Variants in PHC2 observed in about 807,000 individuals in gnomAD.
PHC2 encodes the protein polyhomeotic-like protein 2.
In PHC2, 29 loss-of-function variants were observed where a neutral mutation model predicts 87.4. The observed-to-expected ratio is 0.33, with a 90% CI of 0.25 to 0.45. The LOEUF (loss-of-function observed/expected upper bound fraction) is 0.45, where lower values mean the gene tolerates loss of function less well. Among genes scored for constraint, PHC2 ranks in the 20% least tolerant of loss-of-function variants. PHC2 has a pLI of 1.00. For missense variants in PHC2, 857 were observed against 1,136.7 expected (o/e 0.75, Z 3.54); for synonymous variants, 438 against 461.7 (o/e 0.95, Z 0.66).
At chr1:33,401,509 T>C (rs1340543661) in intron 1 of PHC2, among the ~76,000 whole-genome samples, 1 of 152,288 alleles carries the variant, frequency 6.6e-6, no homozygotes, top group East Asian at 1.9e-4. Flanking sequence ...CCTCTAACTG[T>C]TAGCACCTCT....
At position 33,375,371 on chromosome 1, in the gene PHC2, C is replaced by T. The variant is rs746508855; in HGVS notation, c.169G>A (p.Val57Met). ...CAGATCAATTAGACTCTTACCTGCA[C>T]GGTCTGCCGGTCTGGAATACCACTG... The part of the protein sequence containing the change: ...VYSGIPDRQT[V>M]QVIQQALHRQ... The change falls in exon 2 of 15, where the codon GTG becomes ATG. Residue 57 changes from valine (V) to methionine (M), a missense_variant. Val to Met is a conservative substitution (Grantham distance 21). This residue lies in a region of PHC2 where 832 missense variants were observed against 1,081.8 expected (regional missense o/e 0.77). Coordinates refer to ENST00000683057, the MANE Select transcript of PHC2 (RefSeq NM_001385109.1). 19 of 1,575,000 alleles carry T rather than the reference C, an allele frequency of 1.2e-5. 1 individual carries two copies. The highest frequency in any genetic ancestry group is 6.8e-5 in the African/African-American group (5 of 73,632).
intron 9 of PHC2, among the ~76,000 whole-genome samples, chr1:33,353,047 A>G (rs1336790150): frequency 6.6e-6 from 1 of 152,226 alleles, no homozygotes; most frequent in African/African-American, 2.4e-5. Context: ...ACAGGCCTCT[A>G]AAGACTAGTA....
chr1:33,351,205 G>A (rs1646965540), intron 9 of PHC2, among the ~76,000 whole-genome samples: 1 of 152,192 alleles, frequency 6.6e-6, no homozygotes, highest in Admixed American at 6.5e-5. Context: ...GTGTGGTTGT[G>A]TTCCAATAGA....
At chr1:33,367,088 A>G in intron 7 of PHC2, 28 bp downstream of exon 7, 1 of 1,565,462 alleles carries the variant, frequency 6.4e-7, no homozygotes, top group Non-Finnish European at 8.7e-7. Context: ...TTTTCTGGGA[A>G]AGGATTCCTG....
In PHC2 at chr1:33,347,216, C is replaced by T. The variant is rs997256879; in HGVS notation, c.1558+7185G>A. On this transcript the variant is annotated intron_variant, in intron 9 of 14. Transcript: ENST00000683057. Reference sequence around the variant, plus strand: ...GAAGAGAAATCTCAGGGTCAGTCCGCTTAGACTAGAAAGTCAATGACAGAG... The same window carrying T: ...GAAGAGAAATCTCAGGGTCAGTCCGTTTAGACTAGAAAGTCAATGACAGAG... 7 of 985,280 alleles carry T rather than the reference C, an allele frequency of 7.1e-6. No homozygotes were observed. In the African/African-American group the frequency reaches 8.7e-5, roughly 12 times the overall value. The allele number at this position is 985,280 out of a possible 1,614,324, so 61.0% of individuals were successfully genotyped here.
At chr1:33,327,505 C>T (rs1161099882) in intron 14 of PHC2, among the ~76,000 whole-genome samples, 4 of 152,190 alleles carry the variant, frequency 2.6e-5, no homozygotes, top group Non-Finnish European at 5.9e-5. Flanking sequence ...CCCAATAATC[C>T]TTGCTTCCCA....
chr1:33,356,279 A>ATATATATATG (rs1647081393), intron 7 of PHC2, among the ~76,000 whole-genome samples: 3 of 129,228 alleles, frequency 2.3e-5, no homozygotes, highest in African/African-American at 6.7e-5. Flanking sequence ...ATATATATGT[A>ATATATATATG]TATATATATA....
intron 7 of PHC2, among the ~76,000 whole-genome samples, chr1:33,359,321 C>T (rs763728600): frequency 2.0e-5 from 3 of 152,120 alleles, no homozygotes; most frequent in African/African-American, 2.4e-5. Flanking sequence ...GGACTCTTGC[C>T]GCAAAGTATA....
At chr1:33,428,467 T>C (rs1013050730) in intron 1 of PHC2, among the ~76,000 whole-genome samples, 1 of 152,218 alleles carries the variant, frequency 6.6e-6, no homozygotes, top group Non-Finnish European at 1.5e-5. Flanking sequence ...AAACTCACCA[T>C]AATCCATTCT....
At chr1:33,338,670 C>A (rs1482354546) in intron 9 of PHC2, among the ~76,000 whole-genome samples, 1 of 152,232 alleles carries the variant, frequency 6.6e-6, no homozygotes, top group Non-Finnish European at 1.5e-5. Context: ...CCTGCTGGCC[C>A]TGAGGCCAGA....
intron 7 of PHC2, chr1:33,363,789 T>G (rs1647275095): frequency 1.0e-6 from 1 of 985,264 alleles, no homozygotes. Flanking sequence ...GAATGAGGAC[T>G]CCAAGAACCA....
chr1:33,370,590 T>G lies in PHC2; in HGVS notation c.412-5A>C. On this transcript the variant is annotated splice_polypyrimidine_tract_variant and splice_region_variant and intron_variant, in intron 4 of 14. Transcript: ENST00000683057. ...TGGGGAGGCTGCCAGGTTGATCTAA[T>G]GAGAGAGACATGTGCGGTAGGAGAT... 6.2e-7 allele frequency: 1 copy of G among 1,610,884 alleles called. No homozygotes were observed.
chr1:33,355,253 G>T lies in PHC2; in HGVS notation c.977C>A (p.Ala326Asp). The change falls in exon 8 of 15, where the codon GCC becomes GAC. Residue 326 changes from alanine to aspartate, a missense_variant and splice_region_variant. Ala to Asp is a moderately radical substitution (Grantham distance 126). This residue lies in a region of PHC2 where 832 missense variants were observed against 1,081.8 expected (regional missense o/e 0.77). Coordinates refer to ENST00000683057, the MANE Select transcript of PHC2 (RefSeq NM_001385109.1). Reference protein sequence around the residue: ...AVAAHPLIAPAYAQLQPHQLL... With the variant: ...AVAAHPLIAPDYAQLQPHQLL... ...CTGGTGTGGCTGCAGCTGAGCATAG[G>T]CTGAAAGGGGAAAGGCCAGGTTAGA... is the stretch of plus-strand genomic sequence containing the variant. The T allele has an allele frequency of 6.4e-7, 1 of 1,561,382 alleles. No homozygotes were observed.
chr1:33,385,950 C>T (rs574377266), intron 1 of PHC2, among the ~76,000 whole-genome samples: 2 of 151,988 alleles, frequency 1.3e-5, no homozygotes, highest in South Asian at 4.2e-4. Context: ...GCCTGCACCA[C>T]CACACCCGGC....
intron 1 of PHC2, among the ~76,000 whole-genome samples, chr1:33,403,816 C>A (rs759045514): frequency 6.6e-6 from 1 of 152,180 alleles, no homozygotes; most frequent in Non-Finnish European, 1.5e-5. Context: ...GCTGACCATT[C>A]TTTTCCTTGA....
At chr1:33,413,417 T>C (rs1314702034) in intron 1 of PHC2, among the ~76,000 whole-genome samples, 2 of 152,230 alleles carry the variant, frequency 1.3e-5, no homozygotes, top group Non-Finnish European at 2.9e-5. Flanking sequence ...CACTGGATAC[T>C]GACATATAGG....
intron 3 of PHC2, 40 bp downstream of exon 3, chr1:33,372,249 G>A: frequency 6.8e-7 from 1 of 1,477,856 alleles, no homozygotes; most frequent in Non-Finnish European, 9.1e-7. Flanking sequence ...CCACAACCAG[G>A]ATGCCTGGCA....
At chr1:33,402,155 G>T (rs1053616626) in intron 1 of PHC2, among the ~76,000 whole-genome samples, 1 of 152,086 alleles carries the variant, frequency 6.6e-6, no homozygotes, top group Non-Finnish European at 1.5e-5. Flanking sequence ...CACTTGAATT[G>T]AATTTTCTAC....
intron 14 of PHC2, 70 bp from the exon 15 acceptor site, chr1:33,325,089 T>C: frequency 7.2e-7 from 1 of 1,397,886 alleles, no homozygotes; most frequent in Non-Finnish European, 9.8e-7. Context: ...CCACTGCATC[T>C]AGTTATCTAG....
Sources: gnomAD v4.1 joint callset for allele counts (sites outside exome capture counted in the v4.1 genomes callset) on GRCh38, gnomAD v4.1.1 for gene constraint, gnomAD v4.1.1 regional missense constraint, MANE v1.5 for transcripts, NCBI Gene and HGNC (gene_info 2026-07-23, HGNC 2026-07-21) for gene names.